Variants in KCNN2 observed in about 807,000 individuals in gnomAD.
The protein encoded by KCNN2 is small conductance calcium-activated potassium channel protein 2.
KCNN2 carries 24 observed loss-of-function variants against 55.5 expected under a neutral mutation model. That is an observed-to-expected ratio of 0.43 (90% CI 0.31 to 0.61). The LOEUF is 0.61. KCNN2 is among the 20% of genes least tolerant of loss of function. The probability of loss-of-function intolerance (pLI) is 0.08; values close to 1 mark genes in which losing one functional copy is unlikely to be tolerated. For missense variants in KCNN2, 754 were observed against 853.6 expected (o/e 0.88, Z 1.45); for synonymous variants, 431 against 336.1 (o/e 1.28, Z -3.09).
intron 2 of KCNN2, among the ~76,000 whole-genome samples, chr5:114,268,937 C>T (rs937999461): frequency 1.3e-5 from 2 of 151,658 alleles, no homozygotes; most frequent in African/African-American, 4.8e-5. Context: ...CCATCTGTCT[C>T]GGGGGTGGGG....
At chr5:114,443,007 T>G (rs1251110016) in intron 3 of KCNN2, among the ~76,000 whole-genome samples, 2 of 152,052 alleles carry the variant, frequency 1.3e-5, no homozygotes, top group African/African-American at 4.8e-5. Context: ...ATTTAAATGC[T>G]TAAGGCCGGG....
chr5:114,175,905 A>G (rs980889552), intron 1 of KCNN2, among the ~76,000 whole-genome samples: 2 of 152,216 alleles, frequency 1.3e-5, no homozygotes, highest in South Asian at 4.1e-4. Context: ...TGCAAGCTTT[A>G]TCTCCTGAAA....
In KCNN2 at chr5:114,362,259, C is replaced by T. The variant is rs1002044004; in HGVS notation, c.120C>T (p.Pro40=). The part of the protein sequence containing the change: ...QQQSQDKPCP[P]FAPLPHPHHH... ...AGAGCCAGGACAAGCCGTGCCCGCC[C>T]TTCGCGCCCCTCCCGCACCCTCACC... The change falls in exon 1 of 8, where the codon CCC becomes CCT. Residue 40 remains proline, a synonymous_variant. Coordinates refer to ENST00000673685, the MANE Select transcript of KCNN2 (RefSeq NM_021614.4). 19 of 175,182 alleles carry T rather than the reference C, an allele frequency of 1.1e-4. No individual in the cohort carries two copies. The highest frequency in any genetic ancestry group is 2.4e-5 in the African/African-American group (1 of 41,768). 10.9% of individuals were successfully genotyped at this position (175,182 alleles called of 1,614,324 possible). A position where few individuals can be genotyped will look rare whatever the true frequency, so the allele number is the denominator to read the frequency against.
chr5:114,288,257 A>G (rs1755797687), intron 2 of KCNN2, among the ~76,000 whole-genome samples: 1 of 152,108 alleles, frequency 6.6e-6, no homozygotes. Flanking sequence ...TTGTTTCTAC[A>G]TTTTTGCTAT....
chr5:114,187,438 G>A (rs1460949406), intron 1 of KCNN2, among the ~76,000 whole-genome samples: 2 of 151,424 alleles, frequency 1.3e-5, no homozygotes, highest in Admixed American at 1.3e-4. Context: ...CTAGATTCCT[G>A]GCCTAACCTT....
intron 2 of KCNN2, among the ~76,000 whole-genome samples, chr5:114,329,575 G>A (rs1756771740): frequency 6.6e-6 from 1 of 152,172 alleles, no homozygotes; most frequent in Non-Finnish European, 1.5e-5. Context: ...GTCACAGACT[G>A]AAAGGTGCAC....
At chr5:114,313,285 T>A (rs1756440910) in intron 2 of KCNN2, among the ~76,000 whole-genome samples, 1 of 152,122 alleles carries the variant, frequency 6.6e-6, no homozygotes, top group African/African-American at 2.4e-5. Flanking sequence ...GTTATTAACT[T>A]CAAGGAACAT....
At chr5:114,404,336 A>G (rs765785298) in intron 2 of KCNN2, 102 bp from the exon 3 acceptor site, 1 of 890,176 alleles carries the variant, frequency 1.1e-6, no homozygotes, top group South Asian at 1.6e-5. Context: ...TTAGCTTGCC[A>G]TGATTGCTAA....
intron 1 of KCNN2, among the ~76,000 whole-genome samples, chr5:114,115,780 G>C (rs1169841088): frequency 1.3e-5 from 2 of 151,962 alleles, no homozygotes; most frequent in African/African-American, 4.8e-5. Context: ...CCTTTCTTTT[G>C]GTGTTTGATA....
intron 2 of KCNN2, among the ~76,000 whole-genome samples, chr5:114,224,412 A>T (rs1451837218): frequency 3.3e-5 from 5 of 152,214 alleles, no homozygotes; most frequent in Admixed American, 6.5e-5. Context: ...ATAAAGGTTG[A>T]TAGCTAAACA....
chr5:114,170,344 A>C (rs1753007538), intron 1 of KCNN2, among the ~76,000 whole-genome samples: 2 of 152,084 alleles, frequency 1.3e-5, no homozygotes, highest in Non-Finnish European at 2.9e-5. Flanking sequence ...CATAAATAAG[A>C]TCCTATATGG....
chr5:114,115,851 C>T (rs754200768), intron 1 of KCNN2, among the ~76,000 whole-genome samples: 4 of 152,036 alleles, frequency 2.6e-5, no homozygotes, highest in East Asian at 1.9e-4. Context: ...GTACTCTTGG[C>T]GATAACTCCT....
intron 3 of KCNN2, among the ~76,000 whole-genome samples, chr5:114,411,951 C>G (rs1259161000): frequency 1.3e-5 from 2 of 152,156 alleles, no homozygotes; most frequent in Admixed American, 1.3e-4. Context: ...CATAATAAAA[C>G]TATATACAAC....
At chr5:114,229,615 T>A (rs1241090820) in intron 2 of KCNN2, among the ~76,000 whole-genome samples, 2 of 152,032 alleles carry the variant, frequency 1.3e-5, no homozygotes, top group African/African-American at 2.4e-5. Flanking sequence ...AATATTAGTA[T>A]GTATTTAAAA....
At chr5:114,301,125 GT>G (rs1756149018) in intron 2 of KCNN2, among the ~76,000 whole-genome samples, 1 of 150,896 alleles carries the variant, frequency 6.6e-6, no homozygotes, top group East Asian at 1.9e-4. Flanking sequence ...ACATTACTAT[GT>G]AAATAACGTC....
Position 114,392,548 on chromosome 5 carries a change from G to A in KCNN2, c.1219-11890G>A, listed in dbSNP as rs535276255. Among the ~76,000 whole-genome samples the A allele has an allele frequency of 2.5e-3, 381 of 152,238 alleles. 2 individuals carry two copies. Among genetic ancestry groups the A allele is most frequent in the African/African-American group, 8.7e-3 (362 of 41,534 alleles). ...GGAATGACAAGCATCAGCTTTGCTC[G>A]TTTCTTCTGAGTTTTGCTCAGGATT... On this transcript the variant is annotated intron_variant, in intron 2 of 7. Coordinates refer to ENST00000673685, the MANE Select transcript of KCNN2 (RefSeq NM_021614.4).
intron 2 of KCNN2, among the ~76,000 whole-genome samples, chr5:114,287,687 G>A (rs954761768): frequency 3.3e-5 from 5 of 151,758 alleles, no homozygotes; most frequent in Admixed American, 2.0e-4. Flanking sequence ...GATGGGTGCA[G>A]TAAACCGCCA....
At chr5:114,277,910 GA>G (rs1366495893) in intron 2 of KCNN2, among the ~76,000 whole-genome samples, 1 of 152,170 alleles carries the variant, frequency 6.6e-6, no homozygotes, top group Non-Finnish European at 1.5e-5. Flanking sequence ...CTTTGGAGGA[GA>G]AAAGGCATTC....
chr5:114,233,364 C>T (rs113810318), intron 2 of KCNN2, among the ~76,000 whole-genome samples: 9 of 152,094 alleles, frequency 5.9e-5, no homozygotes, highest in Non-Finnish European at 1.0e-4. Context: ...CAACTGGATA[C>T]CTCTTCAGGT....
Sources: gnomAD v4.1 joint callset for allele counts (sites outside exome capture counted in the v4.1 genomes callset) on GRCh38, gnomAD v4.1.1 for gene constraint, MANE v1.5 for transcripts, NCBI Gene and HGNC (gene_info 2026-07-23, HGNC 2026-07-21) for gene names.